KCNMA1: variants seen among roughly 807,000 people sequenced by gnomAD.
The protein encoded by KCNMA1 is Calcium-activated potassium channel subunit alpha-1.
KCNMA1 carries 29 observed loss-of-function variants against 140.0 expected under a neutral mutation model. That is an observed-to-expected ratio of 0.21 (90% CI 0.15 to 0.28). The LOEUF (loss-of-function observed/expected upper bound fraction) is 0.28, where lower values mean the gene tolerates loss of function less well. Ranked by LOEUF, KCNMA1 falls within the 10% of genes least tolerant of loss-of-function variation. KCNMA1 has a pLI of 1.00. For synonymous variants in KCNMA1, 612 were observed against 611.9 expected (o/e 1.00, Z 0.00); for missense variants, 880 against 1,602.2 (o/e 0.55, Z 7.70).
At chr10:77,564,030 T>G (rs1310568734) in intron 1 of KCNMA1, among the ~76,000 whole-genome samples, 1 of 152,188 alleles carries the variant, frequency 6.6e-6, no homozygotes, top group Non-Finnish European at 1.5e-5. Flanking sequence ...ACCTCCTTAT[T>G]ATTAGGCACA....
intron 1 of KCNMA1, among the ~76,000 whole-genome samples, chr10:77,545,434 C>T (rs1050586760): frequency 3.3e-5 from 5 of 152,156 alleles, no homozygotes; most frequent in Admixed American, 6.5e-5. Flanking sequence ...CCTCCACACA[C>T]GAATCACTGA....
chr10:77,278,006 C>A (rs1323739287), intron 2 of KCNMA1, among the ~76,000 whole-genome samples: 1 of 152,170 alleles, frequency 6.6e-6, no homozygotes, highest in Non-Finnish European at 1.5e-5. Context: ...CAGCTCAAAT[C>A]CAAAAATGAG....
At chr10:76,901,507 T>G (rs1223401125) in intron 25 of KCNMA1, 1 of 152,222 alleles carries the variant, frequency 6.6e-6, no homozygotes, top group Non-Finnish European at 1.5e-5. Context: ...GATTTGACCC[T>G]AACATGTTCC....
chr10:77,443,433 A>T (rs188416048), intron 1 of KCNMA1, among the ~76,000 whole-genome samples: 273 of 152,268 alleles, frequency 1.8e-3, no homozygotes, highest in African/African-American at 6.4e-3. Context: ...GTATGGCTGG[A>T]CTAGGCTTCA....
chr10:77,252,873 T>C (rs141170993), intron 2 of KCNMA1, among the ~76,000 whole-genome samples: 1,808 of 151,944 alleles, frequency 0.012, 34 homozygotes, highest in African/African-American at 0.042. Context: ...TATTTCATTC[T>C]GCCATTTAAA....
chr10:77,277,770 C>T (rs1184812197), intron 2 of KCNMA1, among the ~76,000 whole-genome samples: 1 of 152,170 alleles, frequency 6.6e-6, no homozygotes, highest in African/African-American at 2.4e-5. Context: ...CAATAACCTC[C>T]TAAGTGGTCT....
At chr10:76,986,814 A>C (rs1319534966) in intron 19 of KCNMA1, among the ~76,000 whole-genome samples, 2 of 152,198 alleles carry the variant, frequency 1.3e-5, no homozygotes, top group African/African-American at 2.4e-5. Context: ...TCAAATACCC[A>C]ATGACATATG....
intron 17 of KCNMA1, 21 bp from the exon 18 acceptor site, chr10:77,012,064 A>C (rs1337120911): frequency 1.9e-6 from 3 of 1,613,312 alleles, no homozygotes; most frequent in Non-Finnish European, 1.7e-6. Flanking sequence ...AGAATGGAAA[A>C]ACTGACACGT....
chr10:76,978,595 A>G (rs2078410468), intron 19 of KCNMA1: 1 of 152,208 alleles, frequency 6.6e-6, no homozygotes, highest in African/African-American at 2.4e-5. Flanking sequence ...TCCAACCCAT[A>G]CATTTAACAA....
chr10:77,425,645 G>A (rs1396000191), intron 1 of KCNMA1, among the ~76,000 whole-genome samples: 2 of 152,188 alleles, frequency 1.3e-5, no homozygotes, highest in East Asian at 3.8e-4. Context: ...CCTTGTCCAG[G>A]TGGCAGGACT....
chr10:77,197,348 C>A (rs776233763), intron 3 of KCNMA1, among the ~76,000 whole-genome samples: 28 of 152,212 alleles, frequency 1.8e-4, no homozygotes, highest in Non-Finnish European at 2.8e-4. Flanking sequence ...ACTTGGTGCA[C>A]ACCCAGGTGG....
intron 20 of KCNMA1, among the ~76,000 whole-genome samples, chr10:76,954,791 G>T (rs548643816): frequency 6.6e-6 from 1 of 152,276 alleles, no homozygotes. Context: ...TTGTCTATTG[G>T]TGGAAAAGGA....
At chr10:76,919,734 C>T (rs2054524531) in intron 23 of KCNMA1, among the ~76,000 whole-genome samples, 1 of 151,840 alleles carries the variant, frequency 6.6e-6, no homozygotes, top group Non-Finnish European at 1.5e-5. Context: ...CAAATACCTC[C>T]CACATAGGAC....
At chr10:77,020,682 T>C (rs2092735662) in intron 16 of KCNMA1, 1 of 152,166 alleles carries the variant, frequency 6.6e-6, no homozygotes. Flanking sequence ...GAGGGTGAAG[T>C]GTTAGAGCTC....
intron 3 of KCNMA1, among the ~76,000 whole-genome samples, chr10:77,219,602 T>C (rs181988372): frequency 3.3e-5 from 5 of 152,236 alleles, no homozygotes; most frequent in African/African-American, 1.2e-4. Context: ...CAAATGTCCT[T>C]TGTTGTTGTT....
intron 1 of KCNMA1, among the ~76,000 whole-genome samples, chr10:77,543,311 G>A (rs1344856750): frequency 6.6e-6 from 1 of 152,136 alleles, no homozygotes; most frequent in Non-Finnish European, 1.5e-5. Flanking sequence ...ATCTCAAACT[G>A]GAGCTGACAC....
chr10:76,893,899 A>G (rs531157418), intron 25 of KCNMA1, among the ~76,000 whole-genome samples: 136 of 152,340 alleles, frequency 8.9e-4, no homozygotes, highest in Non-Finnish European at 1.0e-3. Flanking sequence ...ATTTATTAAG[A>G]TGGAATACTA....
At chr10:76,989,282 T>G (rs547478967) in intron 19 of KCNMA1, among the ~76,000 whole-genome samples, 5 of 152,276 alleles carry the variant, frequency 3.3e-5, no homozygotes, top group African/African-American at 1.2e-4. Flanking sequence ...TGTGTCCCTG[T>G]GCGCCCAGTT....
intron 5 of KCNMA1, among the ~76,000 whole-genome samples, chr10:77,129,786 T>TA (rs2097818399): frequency 7.0e-6 from 1 of 143,166 alleles, no homozygotes; most frequent in African/African-American, 2.6e-5. Flanking sequence ...GCTGATCCAA[T>TA]AAAAAAAGAA....
Sources: gnomAD v4.1 joint callset for allele counts (sites outside exome capture counted in the v4.1 genomes callset) on GRCh38, gnomAD v4.1.1 for gene constraint, MANE v1.5 for transcripts, NCBI Gene and HGNC (gene_info 2026-07-23, HGNC 2026-07-21) for gene names.